The following NKAIN3 variants were observed in gnomAD, a reference collection of about 807,000 sequenced individuals.
NKAIN3 encodes the protein sodium/potassium-transporting ATPase subunit beta-1-interacting protein 3.
In NKAIN3, 25 loss-of-function variants were observed where a neutral mutation model predicts 30.2. The observed-to-expected ratio is 0.83, with a 90% confidence interval of 0.60 to 1.16. NKAIN3 has a LOEUF of 1.16. NKAIN3 is among the 50% of genes most tolerant of loss of function. The pLI is 0.00. For synonymous variants in NKAIN3, 91 were observed against 89.6 expected, an observed-to-expected ratio of 1.02 and a Z score of -0.09; for missense variants, 225 against 254.1, an observed-to-expected ratio of 0.89 and a Z score of 0.78.
At chr8:62,607,337 A>C (rs567239454) in intron 3 of NKAIN3, among the ~76,000 whole-genome samples, 32 of 152,224 alleles carry the variant, frequency 2.1e-4, no homozygotes, top group African/African-American at 7.2e-4. Context: ...AGATCCCTGA[A>C]TGCACACCCC....
intron 6 of NKAIN3, among the ~76,000 whole-genome samples, chr8:62,956,906 G>A (rs1034191551): frequency 1.5e-4 from 23 of 152,178 alleles, no homozygotes; most frequent in Non-Finnish European, 2.5e-4. Context: ...GTTAACTCTC[G>A]CTTAGCGAGG....
chr8:62,554,347 C>G (rs542850585), intron 1 of NKAIN3, among the ~76,000 whole-genome samples: 1 of 152,216 alleles, frequency 6.6e-6, no homozygotes, highest in African/African-American at 2.4e-5. Flanking sequence ...GAGACAAATC[C>G]TAAAGGAATA....
intron 4 of NKAIN3, among the ~76,000 whole-genome samples, chr8:62,905,213 G>T (rs954473823): frequency 1.3e-5 from 2 of 152,158 alleles, no homozygotes; most frequent in Admixed American, 1.3e-4. Context: ...GGGTGAGGGG[G>T]TCATGGGAAA....
intron 1 of NKAIN3, among the ~76,000 whole-genome samples, chr8:62,407,660 T>C (rs932472906): frequency 7.2e-5 from 11 of 152,218 alleles, no homozygotes; most frequent in African/African-American, 2.2e-4. Flanking sequence ...CTCGATCTCT[T>C]GATCTCGTGA....
chr8:62,420,976 A>G (rs962757243), intron 1 of NKAIN3, among the ~76,000 whole-genome samples: 11 of 152,228 alleles, frequency 7.2e-5, no homozygotes, highest in African/African-American at 2.7e-4. Flanking sequence ...TAAAAAATTT[A>G]CTTCATGAGA....
chr8:62,875,650 G>C (rs1322816205), intron 4 of NKAIN3, among the ~76,000 whole-genome samples: 1 of 152,106 alleles, frequency 6.6e-6, no homozygotes, highest in African/African-American at 2.4e-5. Flanking sequence ...GAGCAGAACA[G>C]AGACCTCAGA....
intron 3 of NKAIN3, among the ~76,000 whole-genome samples, chr8:62,646,138 GAAAAAAA>G (rs75073790): frequency 8.6e-6 from 1 of 116,190 alleles, no homozygotes; most frequent in African/African-American, 3.0e-5. Flanking sequence ...CCTCATTCTG[GAAAAAAA>G]AAAAAAAAAA....
At position 62,729,035 on chromosome 8, in the gene NKAIN3, A is replaced by AAAAAAACAAAAC. The variant is rs1344781585; in HGVS notation, c.274-17893_274-17892insAACAAAACAAAA. Among the ~76,000 whole-genome samples, 638 of 110,238 alleles carry AAAAAAACAAAAC rather than the reference A, an allele frequency of 5.8e-3. 63 individuals are homozygous for AAAAAAACAAAAC. The highest frequency in any genetic ancestry group is 0.026 in the African/African-American group (609 of 23,756). 72.3% of individuals were successfully genotyped at this position (110,238 alleles called of 152,430 possible). Reference sequence around the variant, plus strand: ...CAAAACAAACAAACCAAAAAAAAAAAAAAACAAAAAAAAAAAACCTCCTGC... The same window carrying AAAAAAACAAAAC: ...CAAAACAAACAAACCAAAAAAAAAAAAAAAAACAAAACAAAACAAAAAAAAAAAACCTCCTGC... On this transcript the variant is annotated intron_variant, in intron 3 of 6. Coordinates refer to ENST00000623646, the MANE Select transcript of NKAIN3 (RefSeq NM_001304533.3).
At chr8:62,497,154 G>C (rs1807268073) in intron 1 of NKAIN3, among the ~76,000 whole-genome samples, 2 of 151,898 alleles carry the variant, frequency 1.3e-5, no homozygotes, top group Admixed American at 1.3e-4. Flanking sequence ...CTCTTAGCTT[G>C]ACAAATTTAA....
chr8:62,679,090 G>A (rs1317145197), intron 3 of NKAIN3, among the ~76,000 whole-genome samples: 1 of 152,158 alleles, frequency 6.6e-6, no homozygotes, highest in African/African-American at 2.4e-5. Flanking sequence ...AAGCCATGCT[G>A]TTCAACCCAG....
intron 4 of NKAIN3, among the ~76,000 whole-genome samples, chr8:62,775,207 G>A (rs149937849): frequency 0.01 from 1,546 of 152,014 alleles, 27 homozygotes; most frequent in African/African-American, 0.034. Flanking sequence ...GTTCACAGTG[G>A]CCTCTAATAA....
intron 3 of NKAIN3, among the ~76,000 whole-genome samples, chr8:62,635,999 C>G (rs1019234936): frequency 2.0e-5 from 3 of 152,124 alleles, no homozygotes; most frequent in African/African-American, 7.2e-5. Context: ...CCCAAGCAGT[C>G]TGCATATACA....
At chr8:62,641,614 A>G (rs1812309613) in intron 3 of NKAIN3, among the ~76,000 whole-genome samples, 1 of 152,164 alleles carries the variant, frequency 6.6e-6, no homozygotes, top group Non-Finnish European at 1.5e-5. Flanking sequence ...ATTCCTGGAC[A>G]CAGAGAAATG....
chr8:62,402,060 C>T (rs557836468), intron 1 of NKAIN3, among the ~76,000 whole-genome samples: 1 of 152,160 alleles, frequency 6.6e-6, no homozygotes, highest in Non-Finnish European at 1.5e-5. Flanking sequence ...GCAGCCAGTC[C>T]CTGGAGTCAC....
At chr8:62,511,921 T>C (rs1807823141) in intron 1 of NKAIN3, among the ~76,000 whole-genome samples, 1 of 152,140 alleles carries the variant, frequency 6.6e-6, no homozygotes, top group African/African-American at 2.4e-5. Flanking sequence ...TTTATGACCG[T>C]GGAATTGTTT....
chr8:62,531,290 T>A (rs2129840359), intron 1 of NKAIN3, among the ~76,000 whole-genome samples: 1 of 152,320 alleles, frequency 6.6e-6, no homozygotes, highest in East Asian at 1.9e-4. Context: ...AGTCTCATGT[T>A]CTTTCCTTTC....
At position 62,414,681 on chromosome 8, in the gene NKAIN3, C is replaced by T. The variant is rs554730518; in HGVS notation, c.55-164858C>T. 3.9e-5 allele frequency among the ~76,000 whole-genome samples: 6 copies of T among 152,100 alleles called. No homozygotes were observed. In the South Asian group the frequency reaches 8.3e-4, roughly 21 times the overall value. ...GGTACAGGTAAAAAGAACAGTATCT[C>T]GTGAAATCTCTGATTGTTCCTTTTG... On this transcript the variant is annotated intron_variant, in intron 1 of 6. Transcript: ENST00000623646.
At chr8:62,395,381 C>G (rs1347642933) in intron 1 of NKAIN3, among the ~76,000 whole-genome samples, 1 of 151,272 alleles carries the variant, frequency 6.6e-6, no homozygotes, top group African/African-American at 2.4e-5. Flanking sequence ...GGGGGTGGCC[C>G]GGCAGAAGCG....
chr8:62,664,714 G>A (rs1440560159), intron 3 of NKAIN3, among the ~76,000 whole-genome samples: 5 of 151,958 alleles, frequency 3.3e-5, no homozygotes, highest in South Asian at 2.1e-4. Context: ...TTGTAATGCC[G>A]GAAGGATTCC....
Sources: gnomAD v4.1 joint callset for allele counts (sites outside exome capture counted in the v4.1 genomes callset) on GRCh38, gnomAD v4.1.1 for gene constraint, MANE v1.5 for transcripts, NCBI Gene and HGNC (gene_info 2026-07-23, HGNC 2026-07-21) for gene names.